SETX: variants seen among roughly 807,000 people sequenced by gnomAD.
SETX encodes senataxin.
SETX carries 90 observed loss-of-function variants against 227.2 expected under a neutral mutation model. That is an observed-to-expected ratio of 0.40 (90% confidence interval 0.33 to 0.47). The LOEUF is 0.47. Among genes scored for constraint, SETX ranks in the 20% least tolerant of loss-of-function variants. SETX has a pLI of 0.91. For missense variants in SETX, 3,052 were observed against 3,181.5 expected (o/e 0.96, Z 0.98); for synonymous variants, 1,210 against 1,113.2 (o/e 1.09, Z -1.73).
At chr9:132,333,458 C>G (rs513622) in intron 7 of SETX, among the ~76,000 whole-genome samples, 1 of 111,250 alleles carries the variant, frequency 9.0e-6, no homozygotes. Context: ...CACACACACA[C>G]GCCCTATCAA....
chr9:132,320,340 C>T (rs1846238630), intron 10 of SETX, among the ~76,000 whole-genome samples: 1 of 152,066 alleles, frequency 6.6e-6, no homozygotes, highest in Non-Finnish European at 1.5e-5. Context: ...CTTTGGGAGG[C>T]TGAGGCGAGC....
At chr9:132,295,837 C>T in intron 15 of SETX, 35 bp downstream of exon 15, 4 of 1,598,108 alleles carry the variant, frequency 2.5e-6, no homozygotes, top group Non-Finnish European at 3.4e-6. Context: ...ACACTGAAAA[C>T]AAAAACAAAT....
intron 25 of SETX, among the ~76,000 whole-genome samples, chr9:132,267,453 T>C (rs1477328550): frequency 6.6e-6 from 1 of 152,238 alleles, no homozygotes; most frequent in Non-Finnish European, 1.5e-5. Flanking sequence ...GCAGGCACTA[T>C]TAGCCTTGGT....
chr9:132,276,278 AAG>A (rs1202113351), intron 22 of SETX, among the ~76,000 whole-genome samples: 2 of 152,090 alleles, frequency 1.3e-5, no homozygotes, highest in African/African-American at 4.8e-5. Flanking sequence ...GCTCTCCTCC[AAG>A]AGGCCTCATT....
intron 23 of SETX, among the ~76,000 whole-genome samples, chr9:132,274,540 C>G (rs555786524): frequency 6.6e-6 from 1 of 151,036 alleles, no homozygotes; most frequent in Non-Finnish European, 1.5e-5. Context: ...CTCCTGGGTT[C>G]AAGCGATTTA....
chr9:132,341,088 T>C (rs939157802), intron 5 of SETX, among the ~76,000 whole-genome samples: 1 of 152,066 alleles, frequency 6.6e-6, no homozygotes, highest in African/African-American at 2.4e-5. Context: ...GGCTCACACC[T>C]GTTATCTCAG....
chr9:132,280,942 T>C (rs1365349481), intron 20 of SETX, among the ~76,000 whole-genome samples: 1 of 152,178 alleles, frequency 6.6e-6, no homozygotes, highest in Non-Finnish European at 1.5e-5. Flanking sequence ...TTTCAGATGA[T>C]GTGAAGGGCA....
rs1185193 is a variant in SETX at position 132,328,022 on chromosome 9, A to C, written c.3576T>G (p.Asp1192Glu). The change falls in exon 10 of 26, where the codon GAT (aspartate) becomes GAG (glutamate). Residue 1192 changes from aspartate (D) to glutamate (E), a missense_variant. Physicochemically the swap from Asp to Glu is conservative, Grantham distance 45. Coordinates refer to ENST00000224140, the MANE Select transcript of SETX (RefSeq NM_015046.7). Reference protein sequence around the residue: ...NEGQSDTNKRDLVGNDFKSID... With the variant: ...NEGQSDTNKRELVGNDFKSID... ...TACTTTTAAAATCATTTCCCACAAG[A>C]TCTCTCTTATTAGTATCAGACTGGC... The C allele has an allele frequency of 0.82, 1,320,243 of 1,613,658 alleles. 550,679 individuals are homozygous for C. The highest frequency in any genetic ancestry group is 0.86 in the Non-Finnish European group (1,018,622 of 1,179,904).
intron 4 of SETX, among the ~76,000 whole-genome samples, chr9:132,344,617 G>C (rs762526087): frequency 3.9e-5 from 6 of 152,216 alleles, no homozygotes; most frequent in Non-Finnish European, 5.9e-5. Context: ...GCTTACACCT[G>C]TAATCTCAGC....
intron 24 of SETX, 21 bp from the exon 25 acceptor site, chr9:132,269,723 T>C: frequency 6.2e-7 from 1 of 1,611,110 alleles, no homozygotes; most frequent in African/African-American, 1.3e-5. Flanking sequence ...AAAAAAGAGT[T>C]CCTTCTTTGT....
upstream of SETX, among the ~76,000 whole-genome samples, chr9:132,356,511 T>C (rs1439324730): frequency 6.6e-6 from 1 of 152,080 alleles, no homozygotes; most frequent in Non-Finnish European, 1.5e-5. Context: ...CCCTACCCCC[T>C]TTTAGTAACG....
intron 25 of SETX, among the ~76,000 whole-genome samples, chr9:132,269,089 C>T (rs1359731847): frequency 1.3e-5 from 2 of 152,266 alleles, no homozygotes; most frequent in Admixed American, 6.5e-5. Context: ...GTGAATTAAG[C>T]TGTACCATTT....
intron 18 of SETX, among the ~76,000 whole-genome samples, chr9:132,285,026 C>T (rs1843764485): frequency 6.6e-6 from 1 of 151,980 alleles, no homozygotes; most frequent in African/African-American, 2.4e-5. Context: ...TTACAGGTGC[C>T]CACCACCACG....
intron 15 of SETX, among the ~76,000 whole-genome samples, chr9:132,289,510 ATTTC>A (rs1339446441): frequency 6.6e-6 from 1 of 151,858 alleles, no homozygotes; most frequent in Non-Finnish European, 1.5e-5. Flanking sequence ...GTCTCTTCTC[ATTTC>A]TTTGTCACCA....
intron 15 of SETX, among the ~76,000 whole-genome samples, chr9:132,294,208 A>G (rs542961573): frequency 9.8e-5 from 15 of 152,330 alleles, no homozygotes; most frequent in Middle Eastern, 6.8e-3. Flanking sequence ...GCTAACTGGT[A>G]CAATCACTTT....
At position 132,262,871 on chromosome 9, in the gene SETX, C is replaced by T. The variant is rs7025; in HGVS notation, c.*1368G>A. 0.16 allele frequency: 24,939 copies of T among 152,142 alleles called. 2,110 individuals carry two copies. Among genetic ancestry groups the T allele is most frequent in the East Asian group, 0.29 (1,495 of 5,168 alleles). The allele number at this position is 152,142 out of a possible 1,614,324, so 9.4% of individuals were successfully genotyped here. On this transcript the variant is annotated 3_prime_UTR_variant, in exon 26 of 26. Coordinates refer to ENST00000224140, the MANE Select transcript of SETX (RefSeq NM_015046.7). ...GAGATATGGGGCTGCACAGCATTCA[C>T]TACAGATCCCTAGTTTTTACAACTG...
chr9:132,283,510 T>G, intron 18 of SETX, 97 bp from the exon 19 acceptor site: 1 of 1,434,618 alleles, frequency 7.0e-7, no homozygotes, highest in Admixed American at 1.7e-5. Context: ...TTTATTAAAA[T>G]AGATTTATGA....
chr9:132,331,466 A>G lies in SETX; in HGVS notation c.839-18T>C. ...ACTATCATCTGAAATACAATGGCACAATCGTTGAATTACTAAACAGTTAGA... is the reference window on the plus strand; with the variant it reads ...ACTATCATCTGAAATACAATGGCACGATCGTTGAATTACTAAACAGTTAGA... On this transcript the variant is annotated intron_variant, in intron 7 of 25. Coordinates refer to ENST00000224140, the MANE Select transcript of SETX (RefSeq NM_015046.7). The G allele has an allele frequency of 6.2e-7, 1 of 1,612,306 alleles. No individual in the cohort carries two copies. Among genetic ancestry groups the G allele is most frequent in the Non-Finnish European group, 8.5e-7 (1 of 1,178,914 alleles).
chr9:132,288,735 T>C, intron 15 of SETX, 84 bp from the exon 16 acceptor site: 1 of 898,164 alleles, frequency 1.1e-6, no homozygotes, highest in South Asian at 1.4e-5. Context: ...TATTTCTAAG[T>C]AAATATGTTA....
Sources: gnomAD v4.1 joint callset for allele counts (sites outside exome capture counted in the v4.1 genomes callset) on GRCh38, gnomAD v4.1.1 for gene constraint, MANE v1.5 for transcripts, NCBI Gene and HGNC (gene_info 2026-07-23, HGNC 2026-07-21) for gene names.